Variants in EDA observed in about 807,000 individuals in gnomAD.
EDA encodes ectodysplasin A.
EDA carries 2 observed loss-of-function variants against 23.6 expected under a neutral mutation model. The observed-to-expected ratio is 0.08, with a 90% CI of 0.03 to 0.27. The LOEUF (loss-of-function observed/expected upper bound fraction) is 0.27. EDA is among the 10% of genes least tolerant of loss of function. The probability of loss-of-function intolerance (pLI) is 1.00; values close to 1 mark genes in which losing one functional copy is unlikely to be tolerated. For synonymous variants in EDA, 131 were observed against 132.0 expected (o/e 0.99, Z 0.05); for missense variants, 229 against 324.2 (o/e 0.71, Z 2.26).
intron 1 of EDA, among the ~76,000 whole-genome samples, chrX:69,652,340 T>A (rs1933131735): frequency 8.9e-6 from 1 of 111,812 alleles, no homozygotes; most frequent in Admixed American, 9.5e-5. Context: ...GTGGCAAGCT[T>A]AATAGATTGG....
At chrX:69,644,819 G>T (rs751250226) in intron 1 of EDA, among the ~76,000 whole-genome samples, 7 of 111,316 alleles carry the variant, frequency 6.3e-5, no homozygotes, top group African/African-American at 2.3e-4. Flanking sequence ...AGATTTTAAC[G>T]TGAAGGGATG....
rs1042725276 is a variant in EDA, at chrX:69,990,223, G to C, written c.503-32995G>C. Among the ~76,000 whole-genome samples the C allele has an allele frequency of 3.1e-4, 34 of 110,757 alleles. No homozygotes were observed. The Admixed American group carries it at 3.1e-3, about 10-fold the overall frequency. On this transcript the variant is annotated intron_variant, in intron 2 of 7. Coordinates refer to ENST00000374552, the MANE Select transcript of EDA (RefSeq NM_001399.5). ...TTAAAGCTTTTTGTGACACTGTCTG[G>C]TAGGCGTAGAGGGGCTGCCACCTCA...
intron 1 of EDA, among the ~76,000 whole-genome samples, chrX:69,719,699 G>A (rs1306473843): frequency 9.4e-6 from 1 of 106,305 alleles, no homozygotes; most frequent in Non-Finnish European, 1.9e-5. Context: ...CTTTATGGCT[G>A]AGGAGTATTC....
intron 1 of EDA, among the ~76,000 whole-genome samples, chrX:69,717,375 C>T (rs1355857939): frequency 3.6e-5 from 4 of 110,823 alleles, no homozygotes; most frequent in Non-Finnish European, 7.6e-5. Context: ...GCTATTGTAA[C>T]TGGTATTATA....
At chrX:70,000,864 AC>A (rs1212847207) in intron 2 of EDA, among the ~76,000 whole-genome samples, 22 of 111,809 alleles carry the variant, frequency 2.0e-4, no homozygotes, top group African/African-American at 7.1e-4. Flanking sequence ...GACTTCAAAG[AC>A]CATGCCTTTT....
At chrX:69,959,573 T>C (rs2019070023) in intron 2 of EDA, among the ~76,000 whole-genome samples, 1 of 111,959 alleles carries the variant, frequency 8.9e-6, no homozygotes, top group Admixed American at 9.5e-5. Context: ...TGAATAAACA[T>C]TCAATAAGGA....
rs774549448 is a variant in EDA at position 70,037,451 on chromosome X, C to G, written c.*1842C>G. On this transcript the variant is annotated 3_prime_UTR_variant, in exon 8 of 8. Coordinates refer to ENST00000374552, the MANE Select transcript of EDA (RefSeq NM_001399.5). ...TAGCAGAAACCAACAAGAACCACTC[C>G]TTCATGTTTGGAAAATAATTTCTCT... The G allele has an allele frequency of 1.6e-4, 18 of 112,270 alleles. No individual in the cohort carries two copies. Among genetic ancestry groups the G allele is most frequent in the African/African-American group, 5.8e-4 (18 of 30,903 alleles). The allele number at this position is 112,270 out of a possible 1,213,427, so 9.3% of individuals were successfully genotyped here.
At chrX:69,670,378 G>T in intron 1 of EDA, 1 of 307,683 alleles carries the variant, frequency 3.3e-6, no homozygotes, top group Non-Finnish European at 5.7e-6. Flanking sequence ...ACCTTAGAGA[G>T]GGCCCCTTTG....
chrX:69,753,281 T>C (rs1411141726), intron 1 of EDA, among the ~76,000 whole-genome samples: 3 of 112,112 alleles, frequency 2.7e-5, no homozygotes, highest in Non-Finnish European at 3.8e-5. Flanking sequence ...GTTGTGTCTT[T>C]GTTCGCATTG....
chrX:69,951,969 T>G (rs2018934035), intron 1 of EDA, among the ~76,000 whole-genome samples: 1 of 112,091 alleles, frequency 8.9e-6, no homozygotes, highest in African/African-American at 3.2e-5. Context: ...AAGAGAAGAC[T>G]GTTTTATTCA....
chrX:69,931,678 A>T (rs1204320529), intron 1 of EDA, among the ~76,000 whole-genome samples: 1 of 112,143 alleles, frequency 8.9e-6, no homozygotes, highest in Non-Finnish European at 1.9e-5. Context: ...AAACTTAAAA[A>T]GACTGACCAT....
chrX:69,667,119 C>CTTTTT (rs35090201), intron 1 of EDA, among the ~76,000 whole-genome samples: 2 of 86,425 alleles, frequency 2.3e-5, no homozygotes, highest in Non-Finnish European at 4.3e-5. Context: ...TTTTCTTTTT[C>CTTTTT]TTTTTTTTTT....
chrX:69,738,806 T>C (rs1332961538), intron 1 of EDA, among the ~76,000 whole-genome samples: 1 of 110,406 alleles, frequency 9.1e-6, no homozygotes, highest in Admixed American at 9.7e-5. Flanking sequence ...CCCAACTTTA[T>C]TTCTGTTATT....
At position 69,701,333 on chromosome X, in the gene EDA, G is replaced by A. The variant is rs1452424459; in HGVS notation, c.396+84629G>A. 7.2e-5 allele frequency among the ~76,000 whole-genome samples: 8 copies of A among 111,320 alleles called. No individual in the cohort carries two copies. In the East Asian group the frequency reaches 2.0e-3, roughly 28 times the overall value. Reference sequence around the variant, plus strand: ...GACTTCCAGTGGGGTCCTCCGCAGAGGGGGCATGGCCTGGTGGGCTTACCT... The same window carrying A: ...GACTTCCAGTGGGGTCCTCCGCAGAAGGGGCATGGCCTGGTGGGCTTACCT... On this transcript the variant is annotated intron_variant, in intron 1 of 7. Transcript: ENST00000374552.
intron 1 of EDA, among the ~76,000 whole-genome samples, chrX:69,727,317 A>G (rs1364762011): frequency 8.9e-6 from 1 of 112,289 alleles, no homozygotes; most frequent in Non-Finnish European, 1.9e-5. Context: ...ACATTTGAGC[A>G]TGAAAACAGG....
chrX:69,770,980 A>G (rs1419394077), intron 1 of EDA, among the ~76,000 whole-genome samples: 1 of 112,103 alleles, frequency 8.9e-6, no homozygotes, highest in Non-Finnish European at 1.9e-5. Context: ...TGAAAAAACT[A>G]TACTTACGCC....
intron 1 of EDA, among the ~76,000 whole-genome samples, chrX:69,855,099 A>C (rs1053463281): frequency 1.8e-5 from 2 of 110,656 alleles, no homozygotes; most frequent in African/African-American, 6.6e-5. Context: ...GATTTTTGGC[A>C]GTGTATATGT....
chrX:69,624,174 T>C (rs1932290271), intron 1 of EDA, among the ~76,000 whole-genome samples: 1 of 112,048 alleles, frequency 8.9e-6, no homozygotes, highest in South Asian at 3.7e-4. Flanking sequence ...AATTCATTAA[T>C]TCTGTCTTCA....
chrX:69,634,918 T>C (rs1932740529), intron 1 of EDA, among the ~76,000 whole-genome samples: 1 of 112,135 alleles, frequency 8.9e-6, no homozygotes, highest in African/African-American at 3.2e-5. Context: ...TATGTTTGCA[T>C]ATGTTTAGAT....
Sources: allele counts gnomAD v4.1 joint callset (sites outside exome capture counted in the v4.1 genomes callset), GRCh38; gene constraint gnomAD v4.1.1; transcripts MANE v1.5; gene names NCBI Gene and HGNC (gene_info 2026-07-23, HGNC 2026-07-21).